DNMT3B: variants seen among roughly 807,000 people sequenced by gnomAD.
DNMT3B encodes DNA (cytosine-5)-methyltransferase 3B.
In DNMT3B, 37 loss-of-function variants were observed where a neutral mutation model predicts 120.2. The ratio of observed to expected loss-of-function variants is 0.31; its 90% CI spans 0.24 to 0.40. The LOEUF (loss-of-function observed/expected upper bound fraction) is 0.40, where lower values mean the gene tolerates loss of function less well. Ranked by LOEUF, DNMT3B falls within the 10% of genes least tolerant of loss-of-function variation. The pLI is 1.00. For missense variants in DNMT3B, 878 were observed against 1,137.3 expected, an observed-to-expected ratio of 0.77 and a Z score of 3.28; for synonymous variants, 412 against 442.8, an observed-to-expected ratio of 0.93 and a Z score of 0.87.
At chr20:32,766,208 T>C (rs1031148185) in intron 1 of DNMT3B, among the ~76,000 whole-genome samples, 7 of 152,020 alleles carry the variant, frequency 4.6e-5, no homozygotes, top group Admixed American at 3.3e-4. Context: ...GCCAGGCGTG[T>C]TTGTGCATGC....
At chr20:32,801,043 G>C in intron 18 of DNMT3B, 118 bp downstream of exon 18, 1 of 1,326,888 alleles carries the variant, frequency 7.5e-7, no homozygotes, top group Non-Finnish European at 1.1e-6. Context: ...CAGCATCAGG[G>C]GCCTGTTGGT....
chr20:32,771,556 C>T (rs1987742438), intron 1 of DNMT3B, among the ~76,000 whole-genome samples: 2 of 150,554 alleles, frequency 1.3e-5, no homozygotes, highest in South Asian at 4.2e-4. Context: ...ATCACTTGAA[C>T]CCAGGAGGTG....
At chr20:32,765,666 C>G (rs1987295109) in intron 1 of DNMT3B, among the ~76,000 whole-genome samples, 1 of 151,060 alleles carries the variant, frequency 6.6e-6, no homozygotes, top group African/African-American at 2.4e-5. Flanking sequence ...AGTGATTCAC[C>G]CGCCTCGGCT....
intron 3 of DNMT3B, among the ~76,000 whole-genome samples, chr20:32,784,539 G>A (rs1979021701): frequency 6.6e-6 from 1 of 152,152 alleles, no homozygotes; most frequent in African/African-American, 2.4e-5. Context: ...AGGCCTGCAC[G>A]AGGAAGCCCT....
At chr20:32,805,200 G>T in intron 20 of DNMT3B, 138 bp from the exon 21 acceptor site, 2 of 1,125,932 alleles carry the variant, frequency 1.8e-6, no homozygotes, top group African/African-American at 1.5e-5. Flanking sequence ...GCTCATGCCA[G>T]GATCATTTTC....
At chr20:32,787,476 C>T in intron 6 of DNMT3B, 25 bp downstream of exon 6, 2 of 1,605,678 alleles carry the variant, frequency 1.2e-6, no homozygotes, top group Non-Finnish European at 1.7e-6. Flanking sequence ...GGCTCCTGCC[C>T]AGGGTGACTG....
At chr20:32,806,703 C>G (rs745669634) in intron 22 of DNMT3B, among the ~76,000 whole-genome samples, 1 of 152,216 alleles carries the variant, frequency 6.6e-6, no homozygotes, top group Non-Finnish European at 1.5e-5. Flanking sequence ...TCCTTCTTAG[C>G]CACAGTTTAT....
intron 1 of DNMT3B, among the ~76,000 whole-genome samples, chr20:32,775,298 C>T (rs1157397114): frequency 6.6e-6 from 1 of 152,166 alleles, no homozygotes; most frequent in Non-Finnish European, 1.5e-5. Flanking sequence ...AAAGTGACCC[C>T]CCTTCCTGCA....
At chr20:32,788,435 G>A (rs1568841695) in intron 6 of DNMT3B, among the ~76,000 whole-genome samples, 1 of 152,136 alleles carries the variant, frequency 6.6e-6, no homozygotes, top group African/African-American at 2.4e-5. Flanking sequence ...ATGTATTTAT[G>A]TGTTGTTAGG....
chr20:32,783,985 G>A (rs932570465), intron 3 of DNMT3B, among the ~76,000 whole-genome samples: 1 of 149,636 alleles, frequency 6.7e-6, no homozygotes, highest in African/African-American at 2.5e-5. Context: ...ATCTCGGCTC[G>A]CTGTAACCTC....
chr20:32,778,938 AGATAGATGGATGGATG>A (rs956307295), intron 1 of DNMT3B, among the ~76,000 whole-genome samples: 11 of 113,434 alleles, frequency 9.7e-5, no homozygotes, highest in Non-Finnish European at 1.7e-4. Flanking sequence ...CCTGTCTCTA[AGATAGATGGATGGATG>A]GATGGATGGA....
At chr20:32,791,038 G>A (rs1246150821) in intron 7 of DNMT3B, among the ~76,000 whole-genome samples, 2 of 152,146 alleles carry the variant, frequency 1.3e-5, no homozygotes, top group African/African-American at 4.8e-5. Flanking sequence ...CTTGGTCCAG[G>A]GACTTGGTAC....
At chr20:32,803,587 C>T (rs899294359) in intron 20 of DNMT3B, among the ~76,000 whole-genome samples, 4 of 152,164 alleles carry the variant, frequency 2.6e-5, no homozygotes, top group Non-Finnish European at 4.4e-5. Flanking sequence ...AGTGACATGC[C>T]GAAGGGGGAG....
At position 32,776,945 on chromosome 20, in the gene DNMT3B, G is replaced by A. The variant is rs116678872; in HGVS notation, c.-6-3373G>A. On this transcript the variant is annotated intron_variant, in intron 1 of 22. Transcript: ENST00000328111. ...CTGCGTGTAGACTGAAGCGGGGTGG[G>A]GGAGGAACTGAGCTGGGCATCTTTA... Among the ~76,000 whole-genome samples, 902 of 152,206 alleles carry A rather than the reference G, an allele frequency of 5.9e-3. 15 individuals carry two copies. The highest frequency in any genetic ancestry group is 0.021 in the African/African-American group (875 of 41,504).
At position 32,793,433 on chromosome 20, in the gene DNMT3B, A is replaced by G. The variant is rs186499177; in HGVS notation, c.1067-103A>G. 1.3e-5 allele frequency: 18 copies of G among 1,343,484 alleles called. No individual in the cohort carries two copies. In the Admixed American group the frequency reaches 2.5e-4, roughly 19 times the overall value. 83.2% of individuals were successfully genotyped at this position (1,343,484 alleles called of 1,614,324 possible). ...CAGTGCGCCGAGATCGCACCACTGCATTCAAGCCTGGGTGACAGAGCAAGA... is the reference window on the plus strand; with the variant it reads ...CAGTGCGCCGAGATCGCACCACTGCGTTCAAGCCTGGGTGACAGAGCAAGA... On this transcript the variant is annotated intron_variant, in intron 9 of 22. Transcript: ENST00000328111.
At chr20:32,767,504 A>G (rs573240985) in intron 1 of DNMT3B, among the ~76,000 whole-genome samples, 1 of 152,016 alleles carries the variant, frequency 6.6e-6, no homozygotes, top group East Asian at 1.9e-4. Flanking sequence ...ATCATAGCTC[A>G]CTGCAGCCTT....
intron 14 of DNMT3B, 25 bp downstream of exon 14, chr20:32,797,324 G>C (rs774632997): frequency 1.9e-6 from 3 of 1,609,534 alleles, no homozygotes; most frequent in Middle Eastern, 3.3e-4. Flanking sequence ...CTGTGGGGTG[G>C]ATGTGGGTGG....
intron 1 of DNMT3B, among the ~76,000 whole-genome samples, chr20:32,774,458 G>A (rs2889701): frequency 0.014 from 2,090 of 149,360 alleles, 48 homozygotes; most frequent in African/African-American, 0.047. Context: ...ATCTGCCCAC[G>A]TCGGCCTCCC....
rs145862883 is a variant in DNMT3B at position 32,802,270 on chromosome 20, T to C, written c.2146-115T>C. ...TGATGGCAGTAGGTCTTTCCTGTTT[T>C]GGAGGATCCGTGCCTCATCCATAGT... On this transcript the variant is annotated intron_variant, in intron 19 of 22. Coordinates refer to ENST00000328111, the MANE Select transcript of DNMT3B (RefSeq NM_006892.4). 4.5e-6 allele frequency: 5 copies of C among 1,117,366 alleles called. No individual in the cohort carries two copies. The East Asian group carries it at 1.2e-4, about 26-fold the overall frequency. 69.2% of individuals were successfully genotyped at this position (1,117,366 alleles called of 1,614,324 possible). A position where few individuals can be genotyped will look rare whatever the true frequency, so the allele number is the denominator to read the frequency against.
Sources: allele counts gnomAD v4.1 joint callset (sites outside exome capture counted in the v4.1 genomes callset), GRCh38; gene constraint gnomAD v4.1.1; transcripts MANE v1.5; gene names NCBI Gene and HGNC (gene_info 2026-07-23, HGNC 2026-07-21).